Variants in CAMK2G observed in about 807,000 individuals in gnomAD.
The protein encoded by CAMK2G is calcium/calmodulin-dependent protein kinase type II subunit gamma.
Under a neutral mutation model 88.7 loss-of-function variants are expected in CAMK2G, and 23 were observed. That is an observed-to-expected ratio of 0.26 (90% CI 0.19 to 0.37). The LOEUF (loss-of-function observed/expected upper bound fraction) is 0.37, where lower values mean the gene tolerates loss of function less well. Among genes scored for constraint, CAMK2G ranks in the 10% least tolerant of loss-of-function variants. CAMK2G has a pLI of 1.00. For synonymous variants in CAMK2G, 263 were observed against 294.8 expected (o/e 0.89, Z 1.11); for missense variants, 476 against 780.8 (o/e 0.61, Z 4.65).
chr10:73,815,373 C>CCT, intron 21 of CAMK2G, 126 bp from the exon 22 acceptor site: 1 of 656,632 alleles, frequency 1.5e-6, no homozygotes, highest in Non-Finnish European at 2.7e-6. Context: ...AGTACCGCCC[C>CCT]CCCCCACCCC....
intron 21 of CAMK2G, chr10:73,816,405 A>G (rs2085509336): frequency 7.6e-6 from 8 of 1,050,262 alleles, no homozygotes; most frequent in Non-Finnish European, 9.2e-6. Flanking sequence ...GATCATCTCA[A>G]CCTAATCTCA....
At chr10:73,834,763 T>C (rs2093000091) in intron 14 of CAMK2G, among the ~76,000 whole-genome samples, 1 of 152,236 alleles carries the variant, frequency 6.6e-6, no homozygotes. Flanking sequence ...TGTGCATGGT[T>C]TGAGCTGGCT....
intron 21 of CAMK2G, 123 bp from the exon 22 acceptor site, chr10:73,815,370 C>G: frequency 1.8e-6 from 1 of 570,218 alleles, no homozygotes; most frequent in Non-Finnish European, 2.9e-6. Flanking sequence ...CCAAGTACCG[C>G]CCCCCCCCAC....
At chr10:73,828,723 A>G (rs1331909100) in intron 14 of CAMK2G, among the ~76,000 whole-genome samples, 1 of 152,170 alleles carries the variant, frequency 6.6e-6, no homozygotes, top group Non-Finnish European at 1.5e-5. Flanking sequence ...CAATATTTGA[A>G]TTTTTTATTG....
At chr10:73,841,958 A>G in intron 12 of CAMK2G, 2 of 587,310 alleles carry the variant, frequency 3.4e-6, no homozygotes, top group Non-Finnish European at 6.1e-6. Context: ...GGGAAGTTCT[A>G]GGAAACAATT....
At chr10:73,833,272 T>C (rs1481515033) in intron 14 of CAMK2G, among the ~76,000 whole-genome samples, 1 of 152,082 alleles carries the variant, frequency 6.6e-6, no homozygotes, top group African/African-American at 2.4e-5. Context: ...CTCCAATCTT[T>C]CCACAGCTAT....
chr10:73,858,280 G>C (rs987914218), intron 3 of CAMK2G, among the ~76,000 whole-genome samples: 2 of 152,208 alleles, frequency 1.3e-5, no homozygotes, highest in African/African-American at 4.8e-5. Flanking sequence ...CACTGTTCTT[G>C]GGCTGGCCCG....
intron 1 of CAMK2G, 23 bp downstream of exon 1, chr10:73,874,374 G>C: frequency 6.8e-7 from 1 of 1,467,718 alleles, no homozygotes; most frequent in Non-Finnish European, 9.1e-7. Flanking sequence ...GGCAGGCAGG[G>C]GACCGCGGCG....
intron 5 of CAMK2G, among the ~76,000 whole-genome samples, chr10:73,851,163 G>A (rs953809856): frequency 2.6e-5 from 4 of 152,248 alleles, no homozygotes; most frequent in African/African-American, 9.6e-5. Context: ...TCAAGGTTGA[G>A]AAATTCGTGA....
intron 19 of CAMK2G, chr10:73,818,593 G>T: frequency 2.3e-6 from 1 of 429,934 alleles, no homozygotes; most frequent in Non-Finnish European, 4.7e-6. Context: ...AAGCAGCACA[G>T]TTGGGACAGG....
intron 10 of CAMK2G, among the ~76,000 whole-genome samples, chr10:73,844,551 G>A (rs1196819753): frequency 6.6e-6 from 1 of 152,082 alleles, no homozygotes; most frequent in Non-Finnish European, 1.5e-5. Flanking sequence ...GGGATTATAG[G>A]TGTGTACCAA....
At chr10:73,866,573 G>A (rs1200373125) in intron 2 of CAMK2G, among the ~76,000 whole-genome samples, 42 of 152,268 alleles carry the variant, frequency 2.8e-4, no homozygotes, top group Non-Finnish European at 5.9e-5. Context: ...CTCTGACTGA[G>A]GACTCTCCCA....
rs567702662 is a variant in CAMK2G at position 73,852,140 on chromosome 10, G to C, written c.341+114C>G. On this transcript the variant is annotated intron_variant, in intron 5 of 22. Coordinates refer to ENST00000423381, the MANE Select transcript of CAMK2G (RefSeq NM_001367534.1). Reference sequence around the variant, plus strand: ...TCTTTCTCCAGACAAGAGCTATTCTGATCTTCCCCAAAGACTATTCAAACA... The same window carrying C: ...TCTTTCTCCAGACAAGAGCTATTCTCATCTTCCCCAAAGACTATTCAAACA... 29 of 783,080 alleles carry C rather than the reference G, an allele frequency of 3.7e-5. No homozygotes were observed. In the South Asian group the frequency reaches 4.4e-4, roughly 12 times the overall value. The allele number at this position is 783,080 out of a possible 1,614,324, so 48.5% of individuals were successfully genotyped here.
intron 12 of CAMK2G, among the ~76,000 whole-genome samples, chr10:73,840,020 C>A (rs1014429135): frequency 1.9e-4 from 29 of 152,122 alleles, no homozygotes; most frequent in African/African-American, 5.1e-4. Flanking sequence ...GATGAGAGTG[C>A]CGGGGGCGCA....
At chr10:73,857,670 G>T (rs913561183) in intron 3 of CAMK2G, among the ~76,000 whole-genome samples, 8 of 152,182 alleles carry the variant, frequency 5.3e-5, no homozygotes, top group Admixed American at 2.0e-4. Flanking sequence ...TCAGCACGAA[G>T]GAAGACAGAG....
intron 5 of CAMK2G, among the ~76,000 whole-genome samples, chr10:73,851,677 AT>A (rs2094626581): frequency 7.3e-6 from 1 of 137,236 alleles, no homozygotes; most frequent in African/African-American, 2.7e-5. Flanking sequence ...AAAAAAAAGT[AT>A]TTCTGGGGTC....
chr10:73,874,442 C>T lies in CAMK2G; in HGVS notation c.20G>A (p.Cys7Tyr). 1.3e-6 allele frequency: 2 copies of T among 1,521,998 alleles called. No homozygotes were observed. The highest frequency in any genetic ancestry group is 1.8e-6 in the Non-Finnish European group (2 of 1,126,066). 94.3% of individuals were successfully genotyped at this position (1,521,998 alleles called of 1,614,324 possible). The change falls in exon 1 of 23, where the codon TGC (cysteine) becomes TAC (tyrosine). Residue 7 changes from cysteine (C) to tyrosine (Y), a missense_variant. Physicochemically the swap from Cys to Tyr is radical, Grantham distance 194. Around this residue, in one of 3 missense-constraint regions of CAMK2G, gnomAD observed 34 missense variants for 28.7 expected, o/e 1.19. Coordinates refer to ENST00000423381, the MANE Select transcript of CAMK2G (RefSeq NM_001367534.1). Reference sequence around the variant, plus strand: ...CTGGTAGTCGTCGGTGAAACGGGTGCAGGTGGCGGTGGTGGCCATGCTGGC... The same window carrying T: ...CTGGTAGTCGTCGGTGAAACGGGTGTAGGTGGCGGTGGTGGCCATGCTGGC... MATTAT[C>Y]TRFTDDYQLF...
intron 20 of CAMK2G, 79 bp from the exon 21 acceptor site, chr10:73,817,196 C>A: frequency 6.5e-7 from 1 of 1,530,484 alleles, no homozygotes; most frequent in Non-Finnish European, 8.7e-7. Flanking sequence ...CGGTGTCTAT[C>A]CAGTAGCAGC....
rs17631000 is a variant in CAMK2G at position 73,842,742 on chromosome 10, A to G, written c.820-201T>C. On this transcript the variant is annotated intron_variant, in intron 10 of 22. Transcript: ENST00000423381. The surrounding 1 kb of genome is among the most constrained non-coding windows in gnomAD (Gnocchi z 4.6). ...AAACTCAAGGTTACATAAGGACAAC[A>G]TGAACGTGAGAACACCATAACGGAT... Among the ~76,000 whole-genome samples the G allele has an allele frequency of 0.16, 24,475 of 152,214 alleles. 2,187 individuals carry two copies. The highest frequency in any genetic ancestry group is 0.24 in the South Asian group (1,177 of 4,832).
Sources: allele counts gnomAD v4.1 joint callset (sites outside exome capture counted in the v4.1 genomes callset), GRCh38; gene constraint gnomAD v4.1.1; regional missense constraint gnomAD v4.1.1; non-coding constraint Gnocchi (gnomAD v3.1); transcripts MANE v1.5; gene names NCBI Gene and HGNC (gene_info 2026-07-23, HGNC 2026-07-21).